PCDHA2: variants seen among roughly 807,000 people sequenced by gnomAD.
PCDHA2 encodes protocadherin alpha 2, also known as protocadherin alpha-2.
In PCDHA2, 58 loss-of-function variants were observed where a neutral mutation model predicts 66.0. The ratio of observed to expected loss-of-function variants is 0.88; its 90% CI spans 0.71 to 1.09. The LOEUF is 1.09. Among genes scored for constraint, PCDHA2 ranks in the 50% least tolerant of loss-of-function variants. The pLI is 0.00. For missense variants in PCDHA2, 1,267 were observed against 1,242.3 expected (o/e 1.02, Z -0.30); for synonymous variants, 634 against 554.0 (o/e 1.14, Z -2.03).
intron 1 of PCDHA2, chr5:140,876,781 G>A: frequency 6.2e-7 from 1 of 1,614,240 alleles, no homozygotes; most frequent in Non-Finnish European, 8.5e-7. Flanking sequence ...TTCGCTGTGG[G>A]CCACGGCTAG....
At chr5:140,897,298 G>A (rs1372345306) in intron 1 of PCDHA2, among the ~76,000 whole-genome samples, 18 of 150,818 alleles carry the variant, frequency 1.2e-4, no homozygotes, top group Non-Finnish European at 1.8e-4. Flanking sequence ...TCGTCATTTA[G>A]CATTAGGTAT....
At chr5:140,976,060 T>G (rs1554237234) in intron 1 of PCDHA2, among the ~76,000 whole-genome samples, 3 of 152,228 alleles carry the variant, frequency 2.0e-5, no homozygotes. Flanking sequence ...GATAGTAATA[T>G]ATGTCTTACT....
At chr5:140,836,089 G>C (rs2150252436) in intron 1 of PCDHA2, 12 of 1,613,682 alleles carry the variant, frequency 7.4e-6, no homozygotes, top group South Asian at 5.5e-5. Context: ...CTGGCGCCTC[G>C]GGTGGGTGGC....
At chr5:140,986,372 G>T (rs570215048) in intron 3 of PCDHA2, among the ~76,000 whole-genome samples, 10 of 152,248 alleles carry the variant, frequency 6.6e-5, no homozygotes, top group African/African-American at 1.2e-4. Flanking sequence ...ATGCGTTTTG[G>T]GGGGAGGGAC....
At position 140,808,704 on chromosome 5, in the gene PCDHA2, G is replaced by A. The variant is rs115774628; in HGVS notation, c.2388+11352G>A. On this transcript the variant is annotated intron_variant, in intron 1 of 3. Coordinates refer to ENST00000526136, the MANE Select transcript of PCDHA2 (RefSeq NM_018905.3). ...CGGGTAGGGGAGCGCGCGCTGTCGA[G>A]CTACGTTTCGGTGCATGCGGAGAGC... 1.5e-3 allele frequency: 2,450 copies of A among 1,612,186 alleles called. 38 individuals are homozygous for A. In the African/African-American group the frequency reaches 0.029, roughly 19 times the overall value.
At chr5:140,868,440 G>A (rs2050457998) in intron 1 of PCDHA2, 1 of 152,152 alleles carries the variant, frequency 6.6e-6, no homozygotes, top group Admixed American at 6.6e-5. Flanking sequence ...AGATCATGTG[G>A]AACATAAACA....
intron 1 of PCDHA2, among the ~76,000 whole-genome samples, chr5:140,943,353 G>A (rs2093481887): frequency 6.6e-6 from 1 of 151,602 alleles, no homozygotes; most frequent in Non-Finnish European, 1.5e-5. Flanking sequence ...TGAGAGTAGA[G>A]GAAAGGAGAT....
intron 1 of PCDHA2, among the ~76,000 whole-genome samples, chr5:140,932,902 T>C (rs1276238248): frequency 6.6e-6 from 1 of 152,002 alleles, no homozygotes; most frequent in Non-Finnish European, 1.5e-5. Context: ...AGGGAAACAA[T>C]AATATTTCAA....
chr5:140,968,896 A>G (rs2096277975), intron 1 of PCDHA2: 1 of 1,614,240 alleles, frequency 6.2e-7, no homozygotes, highest in Non-Finnish European at 8.5e-7. Context: ...ATCTAATAAT[A>G]GCATTAAGCA....
rs192376340 is a variant in PCDHA2, at chr5:140,857,538, G to T, written c.2388+60186G>T. The T allele has an allele frequency of 6.9e-6, 11 of 1,597,348 alleles. No individual in the cohort carries two copies. In the East Asian group the frequency reaches 2.0e-4, roughly 29 times the overall value. On this transcript the variant is annotated intron_variant, in intron 1 of 3. Transcript: ENST00000526136. Reference sequence around the variant, plus strand: ...GTGTCCTACTCTCTGGTGGAGCGGCGGTTGGGCGAGCGCTCGCTGTCGAGC... The same window carrying T: ...GTGTCCTACTCTCTGGTGGAGCGGCTGTTGGGCGAGCGCTCGCTGTCGAGC...
rs2150432848 is a variant in PCDHA2, at chr5:140,849,209, T to C, written c.2388+51857T>C. On this transcript the variant is annotated intron_variant, in intron 1 of 3. Coordinates refer to ENST00000526136, the MANE Select transcript of PCDHA2 (RefSeq NM_018905.3). ...TCACGGTACTGGACAACAATGACAA[T>C]GCCCCAGTGTTCGACAGAACCCTGT... 32 of 1,032,540 alleles carry C rather than the reference T, an allele frequency of 3.1e-5. 2 individuals carry two copies. In the African/African-American group the frequency reaches 5.7e-4, roughly 18 times the overall value. The allele number at this position is 1,032,540 out of a possible 1,614,324, so 64.0% of individuals were successfully genotyped here. A position where few individuals can be genotyped will look rare whatever the true frequency, so the allele number is the denominator to read the frequency against.
At chr5:140,933,988 G>C (rs1156532752) in intron 1 of PCDHA2, among the ~76,000 whole-genome samples, 1 of 151,832 alleles carries the variant, frequency 6.6e-6, no homozygotes, top group Non-Finnish European at 1.5e-5. Context: ...CCTGGTGTTA[G>C]TGTCACCTCT....
intron 1 of PCDHA2, chr5:140,863,686 T>G (rs1386583317): frequency 3.4e-6 from 1 of 295,212 alleles, no homozygotes; most frequent in Non-Finnish European, 6.6e-6. Flanking sequence ...CTTTTTCTTT[T>G]GAGATGCTTT....
chr5:140,877,590 G>A (rs996962116), intron 1 of PCDHA2: 20 of 1,613,708 alleles, frequency 1.2e-5, no homozygotes, highest in Admixed American at 1.7e-5. Flanking sequence ...CCATCTGTGC[G>A]GTGTCCAGCC....
At chr5:140,884,357 A>G (rs1562803365) in intron 1 of PCDHA2, 1 of 1,613,864 alleles carries the variant, frequency 6.2e-7, no homozygotes, top group Non-Finnish European at 8.5e-7. Flanking sequence ...GGTGGATGTC[A>G]ATGTTTACTT....
At chr5:140,973,972 G>A (rs1467007704) in intron 1 of PCDHA2, among the ~76,000 whole-genome samples, 1 of 152,186 alleles carries the variant, frequency 6.6e-6, no homozygotes, top group Non-Finnish European at 1.5e-5. Flanking sequence ...TTTAAATGTG[G>A]CTTTTACAGA....
chr5:140,822,125 A>T, intron 1 of PCDHA2: 1 of 1,614,236 alleles, frequency 6.2e-7, no homozygotes, highest in Non-Finnish European at 8.5e-7. Flanking sequence ...CAGGTTTTCC[A>T]TGTGGAGGTG....
chr5:140,957,983 AG>A (rs1554223250), intron 1 of PCDHA2, among the ~76,000 whole-genome samples: 1 of 152,154 alleles, frequency 6.6e-6, no homozygotes, highest in Non-Finnish European at 1.5e-5. Flanking sequence ...AAATAGAATC[AG>A]TGCCAGATTT....
intron 1 of PCDHA2, chr5:140,866,843 TAAC>T (rs1212569386): frequency 2.6e-5 from 4 of 152,142 alleles, no homozygotes; most frequent in African/African-American, 9.7e-5. Flanking sequence ...CAAAATCAGT[TAAC>T]AATAACTGTA....
Sources: allele counts gnomAD v4.1 joint callset (sites outside exome capture counted in the v4.1 genomes callset), GRCh38; gene constraint gnomAD v4.1.1; transcripts MANE v1.5; gene names NCBI Gene and HGNC (gene_info 2026-07-23, HGNC 2026-07-21).